The following MECR variants were observed in gnomAD, a reference collection of about 807,000 sequenced individuals.
MECR encodes mitochondrial trans-2-enoyl-CoA reductase, also known as enoyl-[acyl-carrier-protein] reductase, mitochondrial.
A neutral mutation model predicts 49.1 loss-of-function variants in MECR; 37 were observed. The observed-to-expected ratio is 0.75, with a 90% CI of 0.58 to 0.99. MECR has a LOEUF of 0.99. MECR is among the 50% of genes least tolerant of loss of function. MECR has a pLI of 0.00. For synonymous variants in MECR, 198 were observed against 191.1 expected, an observed-to-expected ratio of 1.04 and a Z score of -0.30; for missense variants, 470 against 479.6, an observed-to-expected ratio of 0.98 and a Z score of 0.19.
Position 29,230,864 on chromosome 1 carries a change from G to A in MECR, c.43C>T (p.Arg15Trp), listed in dbSNP as rs1683258297. The A allele has an allele frequency of 6.2e-7, 1 of 1,607,810 alleles. No homozygotes were observed. Among genetic ancestry groups the A allele is most frequent in the Non-Finnish European group, 8.5e-7 (1 of 1,179,246 alleles). The change falls in exon 1 of 10, where the codon CGG becomes TGG. Residue 15 changes from arginine (R) to tryptophan (W), a missense_variant. Physicochemically the swap from Arg to Trp is moderately radical, Grantham distance 101 (BLOSUM62 -3). Transcript: ENST00000263702. ...STLWRVRTPA[R>W]QWRGLLPASG... ...GCTGGGAGCAGCCCCCGCCACTGCC[G>A]GGCGGGGGTTCGCACCCGCCACAGG...
At chr1:29,197,961 C>T (rs1201102610) in intron 7 of MECR, among the ~76,000 whole-genome samples, 3 of 152,206 alleles carry the variant, frequency 2.0e-5, no homozygotes, top group Non-Finnish European at 2.9e-5. Flanking sequence ...CGGTCCCTAA[C>T]CTTGTTGGCA....
At chr1:29,195,817 T>C in intron 9 of MECR, 124 bp downstream of exon 9, 1 of 956,944 alleles carries the variant, frequency 1.0e-6, no homozygotes, top group Non-Finnish European at 1.7e-6. Flanking sequence ...GCTATTCTCT[T>C]TGATCCTTCT....
chr1:29,220,111 CCAGGCATGGT>C (rs976762432), intron 1 of MECR, among the ~76,000 whole-genome samples: 3 of 152,096 alleles, frequency 2.0e-5, no homozygotes, highest in South Asian at 2.1e-4. Context: ...CCAGTCATGG[CCAGGCATGGT>C]GGCTCACGCC....
rs1673887032 is a variant in MECR at position 29,196,025 on chromosome 1, G to A, written c.892-12C>T. On this transcript the variant is annotated splice_polypyrimidine_tract_variant and intron_variant, in intron 8 of 9. Transcript: ENST00000263702. Reference sequence around the variant, plus strand: ...AAAATGAGCAGGCTCTGCAGACACAGGAAGGACATGCTGGGCTCTGAGGGC... The same window carrying A: ...AAAATGAGCAGGCTCTGCAGACACAAGAAGGACATGCTGGGCTCTGAGGGC... The A allele has an allele frequency of 1.9e-6, 3 of 1,614,022 alleles. No individual in the cohort carries two copies. The highest frequency in any genetic ancestry group is 2.7e-5 in the African/African-American group (2 of 74,950).
chr1:29,168,173 C>A, the MECR span, among the ~76,000 whole-genome samples: 1 of 150,266 alleles, frequency 6.7e-6, no homozygotes, highest in East Asian at 1.9e-4. Context: ...CACCACCATG[C>A]CCGGCAAATT....
At chr1:29,226,333 C>A (rs1046268151) in intron 1 of MECR, among the ~76,000 whole-genome samples, 2 of 152,120 alleles carry the variant, frequency 1.3e-5, no homozygotes, top group Non-Finnish European at 2.9e-5. Context: ...GGGGAGGAGA[C>A]AGAGAATGGT....
the MECR span, chr1:29,171,853 G>C: frequency 5.3e-5 from 8 of 152,128 alleles, no homozygotes; most frequent in Non-Finnish European, 1.0e-4. Context: ...CAATGAGAAA[G>C]GAGGAGCAAA....
At chr1:29,224,798 C>T (rs1230171496) in intron 1 of MECR, 2 of 152,206 alleles carry the variant, frequency 1.3e-5, no homozygotes, top group Non-Finnish European at 2.9e-5. Context: ...GACTGGAACA[C>T]AGGCAAGAAA....
At chr1:29,223,133 C>T in intron 1 of MECR, 6 of 985,420 alleles carry the variant, frequency 6.1e-6, no homozygotes, top group Non-Finnish European at 7.2e-6. Flanking sequence ...AATTGCTTCC[C>T]CCATACCGTT....
intron 1 of MECR, among the ~76,000 whole-genome samples, chr1:29,218,269 C>T (rs1679955400): frequency 6.6e-6 from 1 of 152,212 alleles, no homozygotes; most frequent in Non-Finnish European, 1.5e-5. Flanking sequence ...GCTCTGCCAA[C>T]CAGATACTAC....
intron 1 of MECR, among the ~76,000 whole-genome samples, chr1:29,219,471 CCTTAAGATAT>C (rs1680246118): frequency 6.6e-6 from 1 of 152,092 alleles, no homozygotes; most frequent in Non-Finnish European, 1.5e-5. Context: ...AGTTTACTTC[CCTTAAGATAT>C]CTTTTGACCC....
At chr1:29,185,285 G>C in the MECR span, among the ~76,000 whole-genome samples, 1 of 151,966 alleles carries the variant, frequency 6.6e-6, no homozygotes, top group Non-Finnish European at 1.5e-5. Flanking sequence ...GTTTTGCTCT[G>C]TCACCCAGGC....
chr1:29,209,724 C>T (rs1011456227), intron 3 of MECR, among the ~76,000 whole-genome samples: 4 of 152,160 alleles, frequency 2.6e-5, no homozygotes, highest in African/African-American at 7.2e-5. Context: ...AGACTCCAGC[C>T]TTGGTTCCAC....
chr1:29,177,893 ATTTTTT>A, the MECR span, among the ~76,000 whole-genome samples: 18 of 93,622 alleles, frequency 1.9e-4, no homozygotes, highest in African/African-American at 5.3e-4. Context: ...ATTACACAAG[ATTTTTT>A]TTTTTTTTTT....
chr1:29,210,247 C>T (rs531642007), intron 3 of MECR, among the ~76,000 whole-genome samples: 14 of 152,252 alleles, frequency 9.2e-5, no homozygotes, highest in South Asian at 4.2e-4. Flanking sequence ...CTCCTGACCT[C>T]GTGATCCGCC....
At chr1:29,230,695 C>G in intron 1 of MECR, 36 bp downstream of exon 1, 2 of 1,551,786 alleles carry the variant, frequency 1.3e-6, no homozygotes, top group South Asian at 2.4e-5. Flanking sequence ...TCCAGAAACC[C>G]CAGTCCCCTT....
At position 29,216,100 on chromosome 1, in the gene MECR, C is replaced by G. The variant is rs1679334755; in HGVS notation, c.311G>C (p.Gly104Ala). Residue 104 changes from glycine (G) to alanine (A), a missense_variant, in exon 3 of 10, where the codon GGA (glycine) becomes GCA (alanine). Gly to Ala is a moderately conservative substitution (Grantham distance 60). Transcript: ENST00000263702. ...YGFLPELPAV[G>A]GNEGVAQVVA... Reference sequence around the variant, plus strand: ...CACCTGTGCAACACCTTCGTTCCCTCCAACAGCAGGCAGTTCAGGAAGGAA... The same window carrying G: ...CACCTGTGCAACACCTTCGTTCCCTGCAACAGCAGGCAGTTCAGGAAGGAA... The G allele has an allele frequency of 1.9e-6, 3 of 1,614,056 alleles. No individual in the cohort carries two copies. In the East Asian group the frequency reaches 6.7e-5, roughly 36 times the overall value.
chr1:29,205,012 C>G (rs1034633410), intron 4 of MECR, among the ~76,000 whole-genome samples: 40 of 152,222 alleles, frequency 2.6e-4, no homozygotes, highest in Non-Finnish European at 5.0e-4. Flanking sequence ...TGAGAGGTGG[C>G]TTGGGTGAGT....
Position 29,216,029 on chromosome 1 carries a change from C to A in MECR, c.382G>T (p.Val128Leu), listed in dbSNP as rs749158767. 1.8e-5 allele frequency: 29 copies of A among 1,614,150 alleles called. No homozygotes were observed. The highest frequency in any genetic ancestry group is 2.5e-5 in the Non-Finnish European group (29 of 1,179,972). The change falls in exon 3 of 10, where the codon GTG becomes TTG. Residue 128 changes from valine (V) to leucine (L), a missense_variant. Physicochemically the swap from Val to Leu is conservative, Grantham distance 32. Coordinates refer to ENST00000263702, the MANE Select transcript of MECR (RefSeq NM_016011.5). Reference protein sequence around the residue: ...NVTGLKPGDWVIPANAGLGTW... With the variant: ...NVTGLKPGDWLIPANAGLGTW... ...CCTAAACCAGCATTTGCTGGAATCA[C>A]CCAGTCTCCTGGCTTCAGCCCGGTC...
Sources: gnomAD v4.1 joint callset for allele counts (sites outside exome capture counted in the v4.1 genomes callset) on GRCh38, gnomAD v4.1.1 for gene constraint, MANE v1.5 for transcripts, NCBI Gene and HGNC (gene_info 2026-07-23, HGNC 2026-07-21) for gene names.